Variants in SLC6A11 observed in about 807,000 individuals in gnomAD.
The protein encoded by SLC6A11 is solute carrier family 6 member 11, also known as sodium- and chloride-dependent GABA transporter 3.
SLC6A11 carries 25 observed loss-of-function variants against 74.8 expected under a neutral mutation model. That is an observed-to-expected ratio of 0.33 (90% CI 0.24 to 0.47). The LOEUF (loss-of-function observed/expected upper bound fraction) is 0.47, where lower values mean the gene tolerates loss of function less well. Among genes scored for constraint, SLC6A11 ranks in the 20% least tolerant of loss-of-function variants. The probability of loss-of-function intolerance (pLI) is 1.00; values close to 1 mark genes in which losing one functional copy is unlikely to be tolerated. For synonymous variants in SLC6A11, 330 were observed against 330.2 expected (o/e 1.00, Z 0.01); for missense variants, 574 against 837.0 (o/e 0.69, Z 3.88).
intron 10 of SLC6A11, among the ~76,000 whole-genome samples, chr3:10,932,236 T>C (rs1695697737): frequency 6.6e-6 from 1 of 152,090 alleles, no homozygotes; most frequent in Admixed American, 6.5e-5. Flanking sequence ...ATCACTAAAC[T>C]CAATCATCAT....
intron 6 of SLC6A11, among the ~76,000 whole-genome samples, chr3:10,884,294 T>G (rs1339095528): frequency 6.6e-6 from 1 of 152,264 alleles, no homozygotes; most frequent in East Asian, 1.9e-4. Flanking sequence ...GATTGATTGC[T>G]GACTTTATGC....
At chr3:10,822,592 G>A (rs967577680) in intron 3 of SLC6A11, among the ~76,000 whole-genome samples, 1 of 152,172 alleles carries the variant, frequency 6.6e-6, no homozygotes, top group African/African-American at 2.4e-5. Flanking sequence ...AGATTTCAGG[G>A]GAGGGAGGTT....
chr3:10,851,488 CCCTT>C (rs1694575491), intron 5 of SLC6A11, among the ~76,000 whole-genome samples: 1 of 151,274 alleles, frequency 6.6e-6, no homozygotes, highest in Non-Finnish European at 1.5e-5. Context: ...TTTTTTCTTT[CCCTT>C]CCTTCATTCA....
chr3:10,827,982 T>C (rs1694237320), intron 4 of SLC6A11, among the ~76,000 whole-genome samples: 1 of 152,210 alleles, frequency 6.6e-6, no homozygotes, highest in Non-Finnish European at 1.5e-5. Context: ...ATGCTTGTCT[T>C]CCTAATGTCA....
intron 5 of SLC6A11, among the ~76,000 whole-genome samples, chr3:10,853,555 A>C (rs978594409): frequency 2.2e-4 from 34 of 152,058 alleles, no homozygotes; most frequent in African/African-American, 7.7e-4. Context: ...GCTCGAGTGG[A>C]GGAATTGGTG....
At chr3:10,882,331 G>A (rs543585392) in intron 6 of SLC6A11, among the ~76,000 whole-genome samples, 3 of 152,248 alleles carry the variant, frequency 2.0e-5, no homozygotes, top group African/African-American at 4.8e-5. Flanking sequence ...GTGCCCGCCC[G>A]ACCGGTGCAG....
chr3:10,932,936 C>G (rs1695710005), intron 10 of SLC6A11, among the ~76,000 whole-genome samples: 1 of 152,106 alleles, frequency 6.6e-6, no homozygotes, highest in Non-Finnish European at 1.5e-5. Context: ...CAAGACAAAC[C>G]ATCTGCGGTC....
chr3:10,821,381 G>A (rs1486787504), intron 3 of SLC6A11, among the ~76,000 whole-genome samples: 1 of 152,202 alleles, frequency 6.6e-6, no homozygotes, highest in Non-Finnish European at 1.5e-5. Flanking sequence ...AAAAAGACCA[G>A]AAAGGTTTAA....
chr3:10,895,913 A>G (rs954739454), intron 6 of SLC6A11, among the ~76,000 whole-genome samples: 3 of 152,256 alleles, frequency 2.0e-5, no homozygotes, highest in Admixed American at 1.3e-4. Flanking sequence ...TCGTCTTTGC[A>G]TGTGCAGGTG....
At chr3:10,885,903 C>G (rs759290852) in intron 6 of SLC6A11, among the ~76,000 whole-genome samples, 5 of 152,186 alleles carry the variant, frequency 3.3e-5, no homozygotes, top group Non-Finnish European at 7.3e-5. Context: ...CACAGAGAGC[C>G]TCCACATGGA....
chr3:10,827,508 T>G (rs1338637074), intron 4 of SLC6A11, among the ~76,000 whole-genome samples: 4 of 152,348 alleles, frequency 2.6e-5, no homozygotes, highest in South Asian at 2.1e-4. Flanking sequence ...CTTTGTTGTT[T>G]CCTTGTGTGG....
chr3:10,892,955 G>A (rs995253672), intron 6 of SLC6A11, among the ~76,000 whole-genome samples: 2 of 152,170 alleles, frequency 1.3e-5, no homozygotes, highest in Non-Finnish European at 2.9e-5. Context: ...CCAAGCTACA[G>A]TTGACTGACC....
intron 4 of SLC6A11, 171 bp downstream of exon 4, chr3:10,823,563 G>A: frequency 1.7e-6 from 1 of 581,540 alleles, no homozygotes; most frequent in Non-Finnish European, 3.1e-6. Flanking sequence ...ATCTTCAGAG[G>A]TTTCCCAAAG....
intron 5 of SLC6A11, among the ~76,000 whole-genome samples, chr3:10,861,059 G>A (rs1341016704): frequency 6.6e-6 from 1 of 152,210 alleles, no homozygotes; most frequent in African/African-American, 2.4e-5. Context: ...TCCGGGTGAG[G>A]CCCCACTTCT....
At chr3:10,897,462 C>T (rs1695184625) in intron 6 of SLC6A11, among the ~76,000 whole-genome samples, 1 of 152,204 alleles carries the variant, frequency 6.6e-6, no homozygotes, top group Admixed American at 6.5e-5. Flanking sequence ...TACAACCCTT[C>T]CAAATGAAAG....
At chr3:10,873,682 CCCGTCCCAT>C (rs1694867465) in intron 5 of SLC6A11, among the ~76,000 whole-genome samples, 1 of 114,240 alleles carries the variant, frequency 8.8e-6, no homozygotes, top group African/African-American at 3.8e-5. Flanking sequence ...CCTATCCTAT[CCCGTCCCAT>C]CCTATCCTAT....
In SLC6A11 at chr3:10,816,716, A is replaced by G. The variant is rs1003285977; in HGVS notation, c.256+195A>G. ...GTGCCAGTGCGCACGCGCACGTGCC[A>G]ATTCGCACCTGAGGGTTCCACCTGC... On this transcript the variant is annotated intron_variant, in intron 1 of 13. Transcript: ENST00000254488. This position sits in a 1 kb window ranked among gnomAD's most constrained non-coding sequence, Gnocchi z 4.2. 6.6e-6 allele frequency among the ~76,000 whole-genome samples: 1 copy of G among 152,166 alleles called. No homozygotes were observed. The highest frequency in any genetic ancestry group is 2.4e-5 in the African/African-American group (1 of 41,446).
rs749648291 is a variant in SLC6A11 at position 10,874,991 on chromosome 3, A to G, written c.787A>G (p.Ile263Val). 4 of 1,613,438 alleles carry G rather than the reference A, an allele frequency of 2.5e-6. No homozygotes were observed. The highest frequency in any genetic ancestry group is 1.1e-5 in the South Asian group (1 of 90,958). The part of the protein sequence containing the change: ...VVYVTATFPY[I>V]MLLILLIRGV... Reference sequence around the variant, plus strand: ...ATACGTGACTGCGACATTCCCCTACATCATGCTGCTGATCCTCCTGATACG... The same window carrying G: ...ATACGTGACTGCGACATTCCCCTACGTCATGCTGCTGATCCTCCTGATACG... The change falls in exon 6 of 14, where the codon ATC (isoleucine) becomes GTC (valine). Residue 263 changes from isoleucine to valine, a missense_variant. Around this residue, in one of 4 missense-constraint regions of SLC6A11, gnomAD observed 215 missense variants for 357.9 expected, o/e 0.60. Coordinates refer to ENST00000254488, the MANE Select transcript of SLC6A11 (RefSeq NM_014229.3).
intron 5 of SLC6A11, among the ~76,000 whole-genome samples, chr3:10,866,077 GGT>G (rs1418733514): frequency 1.3e-5 from 2 of 152,126 alleles, no homozygotes; most frequent in South Asian, 2.1e-4. Flanking sequence ...TAACAGCATG[GGT>G]GTGAGCTGCC....
Sources: gnomAD v4.1 joint callset for allele counts (sites outside exome capture counted in the v4.1 genomes callset) on GRCh38, gnomAD v4.1.1 for gene constraint, gnomAD v4.1.1 regional missense constraint, Gnocchi (gnomAD v3.1) non-coding constraint, MANE v1.5 for transcripts, NCBI Gene and HGNC (gene_info 2026-07-23, HGNC 2026-07-21) for gene names.